Variants in COP1 observed in about 807,000 individuals in gnomAD.
COP1 encodes E3 ubiquitin-protein ligase COP1.
In COP1, 24 loss-of-function variants were observed where a neutral mutation model predicts 101.3. The ratio of observed to expected loss-of-function variants is 0.24; its 90% CI spans 0.17 to 0.33. The LOEUF is 0.33. COP1 is among the 10% of genes least tolerant of loss of function. The pLI, the probability that COP1 is intolerant of heterozygous loss-of-function variation, is 1.00. For synonymous variants in COP1, 347 were observed against 341.9 expected, an observed-to-expected ratio of 1.01 and a Z score of -0.17; for missense variants, 663 against 906.2, an observed-to-expected ratio of 0.73 and a Z score of 3.45.
chr1:175,999,412 T>A (rs1013896438), intron 15 of COP1, among the ~76,000 whole-genome samples: 3 of 152,094 alleles, frequency 2.0e-5, no homozygotes, highest in Non-Finnish European at 4.4e-5. Context: ...TCCAGTTCCA[T>A]CCATGTTGTT....
chr1:176,202,479 G>A (rs1192094006), intron 1 of COP1, among the ~76,000 whole-genome samples: 3 of 151,932 alleles, frequency 2.0e-5, no homozygotes, highest in Non-Finnish European at 2.9e-5. Context: ...GTGAACCAAG[G>A]TGCCCACCCT....
In COP1 at chr1:176,160,281, T is replaced by TTG. The variant is rs1169014541; in HGVS notation, c.762+2587_762+2588insCA. On this transcript the variant is annotated intron_variant, in intron 5 of 19. Transcript: ENST00000367669. Reference sequence around the variant, plus strand: ...TTTTTTTTTTTTTTTTTTTTTTTTTTTTACTTTAAGTTCTGGGACACGAGT... The same window carrying TTG: ...TTTTTTTTTTTTTTTTTTTTTTTTTTTGTTACTTTAAGTTCTGGGACACGAGT... The TTG allele has an allele frequency of 2.0e-5, 8 of 390,784 alleles. No homozygotes were observed. The East Asian group carries it at 6.4e-4, about 31-fold the overall frequency. The allele number at this position is 390,784 out of a possible 1,614,324, so 24.2% of individuals were successfully genotyped here. A position where few individuals can be genotyped will look rare whatever the true frequency, so the allele number is the denominator to read the frequency against.
At chr1:176,041,830 GA>G (rs1463591301) in intron 14 of COP1, among the ~76,000 whole-genome samples, 1 of 152,062 alleles carries the variant, frequency 6.6e-6, no homozygotes, top group African/African-American at 2.4e-5. Context: ...TTAACTGGGT[GA>G]AGCCAGGTGC....
chr1:176,198,740 A>G (rs760192454), intron 1 of COP1, among the ~76,000 whole-genome samples: 1 of 152,214 alleles, frequency 6.6e-6, no homozygotes, highest in Non-Finnish European at 1.5e-5. Context: ...TATGCAGAAT[A>G]CATAAAGAAC....
At position 176,046,470 on chromosome 1, in the gene COP1, T is replaced by G. The variant is rs762099619; in HGVS notation, c.1278-146A>C. 4 of 706,368 alleles carry G rather than the reference T, an allele frequency of 5.7e-6. No homozygotes were observed. The South Asian group carries it at 7.6e-5, about 13-fold the overall frequency. 43.8% of individuals were successfully genotyped at this position (706,368 alleles called of 1,614,324 possible). A position where few individuals can be genotyped will look rare whatever the true frequency, so the allele number is the denominator to read the frequency against. On this transcript the variant is annotated intron_variant, in intron 11 of 19. Coordinates refer to ENST00000367669, the MANE Select transcript of COP1 (RefSeq NM_022457.7). ...ATATCCAGATTAAGTAATCAACACA[T>G]ATCAAATTAAAAGTTGTTGAGATTT...
intron 15 of COP1, among the ~76,000 whole-genome samples, chr1:175,999,573 G>T (rs1661100992): frequency 6.6e-6 from 1 of 151,960 alleles, no homozygotes; most frequent in Admixed American, 6.6e-5. Flanking sequence ...AAAAAACATG[G>T]GAATGCAGAT....
At chr1:176,158,175 A>C (rs1362693731) in intron 5 of COP1, among the ~76,000 whole-genome samples, 1 of 152,208 alleles carries the variant, frequency 6.6e-6, no homozygotes, top group Non-Finnish European at 1.5e-5. Flanking sequence ...AACTGGGAGA[A>C]ACATATTTCA....
chr1:176,068,433 C>G (rs1171754105), intron 11 of COP1, among the ~76,000 whole-genome samples: 1 of 152,160 alleles, frequency 6.6e-6, no homozygotes, highest in African/African-American at 2.4e-5. Flanking sequence ...TGTGTTTCAA[C>G]AAGATCTCCA....
At chr1:176,179,811 G>GT (rs773274336) in intron 2 of COP1, among the ~76,000 whole-genome samples, 4 of 150,518 alleles carry the variant, frequency 2.7e-5, no homozygotes, top group Non-Finnish European at 5.9e-5. Flanking sequence ...CTTTTCTTTA[G>GT]TATCCTAATC....
intron 5 of COP1, among the ~76,000 whole-genome samples, chr1:176,157,340 C>T (rs145764298): frequency 1.8e-3 from 269 of 152,266 alleles, no homozygotes; most frequent in African/African-American, 6.2e-3. Flanking sequence ...AATGAAATCA[C>T]AATCAATTTC....
chr1:176,010,254 C>T (rs182052733), intron 15 of COP1, among the ~76,000 whole-genome samples: 18 of 152,266 alleles, frequency 1.2e-4, no homozygotes, highest in Admixed American at 1.0e-3. Flanking sequence ...TCAGCCTCTA[C>T]CTTCTACAAA....
At chr1:176,182,285 CA>C (rs1253458787) in intron 2 of COP1, among the ~76,000 whole-genome samples, 1 of 152,214 alleles carries the variant, frequency 6.6e-6, no homozygotes, top group Non-Finnish European at 1.5e-5. Flanking sequence ...AACAGGACAG[CA>C]GCAGCAGAGA....
rs1657296394 is a variant in COP1 at position 175,987,081 on chromosome 1, G to A, written c.1995C>T (p.Tyr665=). 2.0e-6 allele frequency: 3 copies of A among 1,511,762 alleles called. No individual in the cohort carries two copies. Among genetic ancestry groups the A allele is most frequent in the African/African-American group, 1.4e-5 (1 of 71,446 alleles). The allele number at this position is 1,511,762 out of a possible 1,614,324, so 93.6% of individuals were successfully genotyped here. A position where few individuals can be genotyped will look rare whatever the true frequency, so the allele number is the denominator to read the frequency against. ...TCTTAGAAAGTCCTTTATAGTACAG[G>A]TAGAGAGAGTTATTTTCACTTCCTG... ...IACGSENNSL[Y]LYYKGLSKTL... Residue 665 remains tyrosine (Y), a synonymous_variant, in exon 18 of 20, where the codon TAC becomes TAT. Coordinates refer to ENST00000367669, the MANE Select transcript of COP1 (RefSeq NM_022457.7).
At chr1:176,100,870 C>T (rs911933096) in intron 9 of COP1, among the ~76,000 whole-genome samples, 1 of 152,104 alleles carries the variant, frequency 6.6e-6, no homozygotes, top group African/African-American at 2.4e-5. Context: ...CCCCCACCCC[C>T]CAAGACACAT....
Position 176,046,432 on chromosome 1 carries a change from T to C in COP1, c.1278-108A>G, listed in dbSNP as rs140748641. On this transcript the variant is annotated intron_variant, in intron 11 of 19. Coordinates refer to ENST00000367669, the MANE Select transcript of COP1 (RefSeq NM_022457.7). ...AGATCTACTTTAAATACCTTCAAATTGTACTAGACCTCATATCCAGATTAA... is the reference window on the plus strand; with the variant it reads ...AGATCTACTTTAAATACCTTCAAATCGTACTAGACCTCATATCCAGATTAA... 5.1e-4 allele frequency: 490 copies of C among 968,532 alleles called. 3 individuals carry two copies. In the African/African-American group the frequency reaches 7.2e-3, roughly 14 times the overall value. 60.0% of individuals were successfully genotyped at this position (968,532 alleles called of 1,614,324 possible).
chr1:176,192,892 T>A (rs1342641529), intron 1 of COP1, among the ~76,000 whole-genome samples: 3 of 152,192 alleles, frequency 2.0e-5, no homozygotes, highest in African/African-American at 7.2e-5. Context: ...TTTAAAAAGT[T>A]GTTTCAGTAG....
chr1:176,179,977 C>T (rs996066022), intron 2 of COP1, among the ~76,000 whole-genome samples: 1 of 152,040 alleles, frequency 6.6e-6, no homozygotes, highest in African/African-American at 2.4e-5. Flanking sequence ...CAAAGTATAT[C>T]AAATTACATA....
intron 5 of COP1, among the ~76,000 whole-genome samples, chr1:176,150,121 C>T (rs554898426): frequency 1.3e-4 from 20 of 152,214 alleles, no homozygotes; most frequent in Admixed American, 4.6e-4. Context: ...TAAGAATAAG[C>T]CAATTAAAAT....
intron 18 of COP1, among the ~76,000 whole-genome samples, chr1:175,955,326 A>T (rs1007210403): frequency 2.0e-5 from 3 of 152,174 alleles, no homozygotes; most frequent in African/African-American, 7.2e-5. Flanking sequence ...CAAACTAAGA[A>T]TAGAAAGGAA....
Sources: gnomAD v4.1 joint callset for allele counts (sites outside exome capture counted in the v4.1 genomes callset) on GRCh38, gnomAD v4.1.1 for gene constraint, MANE v1.5 for transcripts, NCBI Gene and HGNC (gene_info 2026-07-23, HGNC 2026-07-21) for gene names.